The following PTPRD variants were observed in gnomAD, a reference collection of about 807,000 sequenced individuals.
The protein encoded by PTPRD is protein tyrosine phosphatase receptor type D, also known as receptor-type tyrosine-protein phosphatase delta.
Under a neutral mutation model 214.5 loss-of-function variants are expected in PTPRD, and 34 were observed. The observed-to-expected ratio is 0.16, with a 90% confidence interval of 0.12 to 0.21. The LOEUF is 0.21. PTPRD is among the 10% of genes least tolerant of loss of function. The pLI is 1.00. For synonymous variants in PTPRD, 1,128 were observed against 845.7 expected (o/e 1.33, Z -5.79); for missense variants, 2,545 against 2,398.7 (o/e 1.06, Z -1.27).
At chr9:9,132,680 A>T (rs2154475435) in intron 10 of PTPRD, among the ~76,000 whole-genome samples, 1 of 152,266 alleles carries the variant, frequency 6.6e-6, no homozygotes, top group East Asian at 1.9e-4. Flanking sequence ...TGCTTCATTC[A>T]ATTTACTTTG....
At chr9:9,864,465 C>T (rs1411058879) in intron 5 of PTPRD, among the ~76,000 whole-genome samples, 2 of 152,078 alleles carry the variant, frequency 1.3e-5, no homozygotes, top group African/African-American at 4.8e-5. Context: ...ATCAGAAATA[C>T]AGAAAACACT....
chr9:8,984,208 T>C (rs941540372), intron 11 of PTPRD, among the ~76,000 whole-genome samples: 2 of 152,052 alleles, frequency 1.3e-5, no homozygotes, highest in Admixed American at 1.3e-4. Flanking sequence ...ATACAGTTTT[T>C]ATTAAAGTTA....
intron 14 of PTPRD, among the ~76,000 whole-genome samples, chr9:8,571,203 C>G (rs1594157120): frequency 6.6e-6 from 1 of 152,050 alleles, no homozygotes; most frequent in East Asian, 1.9e-4. Context: ...TCTTTTAACA[C>G]TTTCCTACTA....
chr9:9,154,508 G>C (rs184797033), intron 10 of PTPRD, among the ~76,000 whole-genome samples: 179 of 152,236 alleles, frequency 1.2e-3, no homozygotes, highest in African/African-American at 4.1e-3. Context: ...TTCTCATAAA[G>C]ATATGAACCT....
At chr9:10,204,995 C>T (rs1283890147) in intron 3 of PTPRD, among the ~76,000 whole-genome samples, 3 of 151,800 alleles carry the variant, frequency 2.0e-5, no homozygotes, top group Admixed American at 2.0e-4. Context: ...CAAATTAATA[C>T]TTTGAATGCT....
intron 5 of PTPRD, among the ~76,000 whole-genome samples, chr9:9,807,759 T>G (rs572125795): frequency 6.6e-6 from 1 of 152,286 alleles, no homozygotes; most frequent in East Asian, 1.9e-4. Context: ...TTTCAAATCC[T>G]GGAAAACATA....
intron 7 of PTPRD, among the ~76,000 whole-genome samples, chr9:9,643,778 C>G (rs1235384561): frequency 6.6e-6 from 1 of 152,154 alleles, no homozygotes; most frequent in Non-Finnish European, 1.5e-5. Context: ...GTTCCTTCTG[C>G]AAAATATAAA....
At chr9:9,630,094 A>T (rs2154358856) in intron 7 of PTPRD, among the ~76,000 whole-genome samples, 1 of 152,272 alleles carries the variant, frequency 6.6e-6, no homozygotes, top group African/African-American at 2.4e-5. Flanking sequence ...AAGAAAAAGG[A>T]TTATATGGAA....
chr9:9,039,145 C>T (rs1159311453), intron 10 of PTPRD, among the ~76,000 whole-genome samples: 1 of 152,136 alleles, frequency 6.6e-6, no homozygotes, highest in Non-Finnish European at 1.5e-5. Context: ...CTATACAAAG[C>T]TATACCTTAA....
chr9:9,901,829 C>G (rs2076471663), intron 5 of PTPRD, among the ~76,000 whole-genome samples: 1 of 152,116 alleles, frequency 6.6e-6, no homozygotes, highest in Admixed American at 6.6e-5. Flanking sequence ...GCAAGCACAT[C>G]TTTACATGTC....
chr9:10,265,004 G>A (rs1050087504), intron 3 of PTPRD, among the ~76,000 whole-genome samples: 1 of 152,050 alleles, frequency 6.6e-6, no homozygotes, highest in African/African-American at 2.4e-5. Context: ...TGTTTGACAT[G>A]GCCTTCACCT....
intron 8 of PTPRD, among the ~76,000 whole-genome samples, chr9:9,416,962 A>G (rs1333111): frequency 0.61 from 93,267 of 151,974 alleles, 29,594 homozygotes; most frequent in Non-Finnish European, 0.67. Context: ...TGCTGCACTC[A>G]TAGTTAATCT....
chr9:10,460,462 C>T (rs932253118), intron 2 of PTPRD, among the ~76,000 whole-genome samples: 4 of 151,580 alleles, frequency 2.6e-5, no homozygotes, highest in South Asian at 2.1e-4. Context: ...CATCATACTT[C>T]CTGATTCAAA....
intron 4 of PTPRD, among the ~76,000 whole-genome samples, chr9:10,002,221 C>CA (rs2096338844): frequency 1.4e-5 from 2 of 146,958 alleles, no homozygotes; most frequent in Non-Finnish European, 1.5e-5. Flanking sequence ...ATGTTTATCA[C>CA]AAAAAAGAGC....
chr9:8,420,747 C>T (rs1172253221), intron 35 of PTPRD, among the ~76,000 whole-genome samples: 1 of 151,330 alleles, frequency 6.6e-6, no homozygotes, highest in Non-Finnish European at 1.5e-5. Flanking sequence ...TGGGGAAAGA[C>T]AGCTCCCTTT....
intron 2 of PTPRD, among the ~76,000 whole-genome samples, chr9:10,598,715 T>TGTGTGGTGTGTG (rs2077238128): frequency 2.9e-5 from 2 of 69,174 alleles, no homozygotes; most frequent in Admixed American, 1.7e-4. Flanking sequence ...GTGTGTGGTG[T>TGTGTGGTGTGTG]GTGTGTGTGT....
At chr9:9,322,272 A>G (rs1966855793) in intron 9 of PTPRD, among the ~76,000 whole-genome samples, 2 of 152,188 alleles carry the variant, frequency 1.3e-5, no homozygotes, top group Admixed American at 1.3e-4. Flanking sequence ...CTTTGGAACG[A>G]TAAAAGCTAC....
At chr9:9,916,525 A>C (rs7853172) in intron 5 of PTPRD, among the ~76,000 whole-genome samples, 142,581 of 151,516 alleles carry the variant, frequency 0.94, 67,120 homozygotes, top group Middle Eastern at 0.98. Flanking sequence ...TCCTCTCTCT[A>C]TATATATATA....
intron 8 of PTPRD, among the ~76,000 whole-genome samples, chr9:9,524,981 C>T (rs1300424275): frequency 6.6e-6 from 1 of 152,146 alleles, no homozygotes; most frequent in African/African-American, 2.4e-5. Context: ...CCTCAGCCTC[C>T]CGAGTAGCGG....
Sources: gnomAD v4.1 joint callset for allele counts (sites outside exome capture counted in the v4.1 genomes callset) on GRCh38, gnomAD v4.1.1 for gene constraint, MANE v1.5 for transcripts, NCBI Gene and HGNC (gene_info 2026-07-23, HGNC 2026-07-21) for gene names.